Variants in IRAK2 observed in about 807,000 individuals in gnomAD.
IRAK2 encodes the protein interleukin-1 receptor-associated kinase-like 2.
A neutral mutation model predicts 72.0 loss-of-function variants in IRAK2; 57 were observed. That is an observed-to-expected ratio of 0.79 (90% CI 0.64 to 0.99). The LOEUF (loss-of-function observed/expected upper bound fraction) is 0.99. Ranked by LOEUF, IRAK2 falls within the 50% of genes least tolerant of loss-of-function variation. The pLI, the probability that IRAK2 is intolerant of heterozygous loss-of-function variation, is 0.00. For synonymous variants in IRAK2, 293 were observed against 312.7 expected, an observed-to-expected ratio of 0.94 and a Z score of 0.67; for missense variants, 790 against 794.4, an observed-to-expected ratio of 0.99 and a Z score of 0.07.
In IRAK2 at chr3:10,200,357, C is replaced by T; in HGVS notation, c.278-12C>T. 6.4e-7 allele frequency: 1 copy of T among 1,573,412 alleles called. No homozygotes were observed. Among genetic ancestry groups the T allele is most frequent in the Non-Finnish European group, 8.7e-7 (1 of 1,155,150 alleles). ...TGGAATAGTAATAACTTTCTTTCCACCTTGTTTTCAGGGAAACCGGCTCCT... is the reference window on the plus strand; with the variant it reads ...TGGAATAGTAATAACTTTCTTTCCATCTTGTTTTCAGGGAAACCGGCTCCT... On this transcript the variant is annotated splice_polypyrimidine_tract_variant and intron_variant, in intron 2 of 12. Transcript: ENST00000256458.
chr3:10,240,929 C>T (rs1307012285), intron 12 of IRAK2, among the ~76,000 whole-genome samples: 1 of 151,764 alleles, frequency 6.6e-6, no homozygotes, highest in Admixed American at 6.6e-5. Flanking sequence ...CAGGCTCTGA[C>T]CACTCCTGTT....
chr3:10,222,970 A>T, intron 9 of IRAK2, 139 bp downstream of exon 9: 1 of 734,484 alleles, frequency 1.4e-6, no homozygotes, highest in Admixed American at 2.7e-5. Context: ...ACTGTGGCCC[A>T]CAGGCCACTT....
chr3:10,239,225 T>C (rs1426476564), intron 12 of IRAK2, among the ~76,000 whole-genome samples, 186 bp downstream of exon 12: 1 of 152,238 alleles, frequency 6.6e-6, no homozygotes, highest in Non-Finnish European at 1.5e-5. Context: ...TGCCCTGGAC[T>C]GTGTCCGGTT....
In IRAK2 at chr3:10,185,468, G is replaced by A. The variant is rs2125145766; in HGVS notation, c.277+7448G>A. Among the ~76,000 whole-genome samples the A allele has an allele frequency of 1.4e-5, 2 of 142,722 alleles. 1 individual carries two copies. Among genetic ancestry groups the A allele is most frequent in the African/African-American group, 5.4e-5 (2 of 37,170 alleles). The allele number at this position is 142,722 out of a possible 152,430, so 93.6% of individuals were successfully genotyped here. On this transcript the variant is annotated intron_variant, in intron 2 of 12. Transcript: ENST00000256458. ...GCTACTCAGGAAGGCTGAGGCAGGC[G>A]AATCGCTTGAACCTGGGAAGCAGAG... is the stretch of plus-strand genomic sequence containing the variant.
At chr3:10,185,558 CAAA>C (rs770606601) in intron 2 of IRAK2, among the ~76,000 whole-genome samples, 2 of 70,114 alleles carry the variant, frequency 2.9e-5, no homozygotes, top group Admixed American at 1.8e-4. Context: ...AACTCCGTCT[CAAA>C]AAAAAAAAAA....
At chr3:10,209,069 C>T (rs1467401510) in intron 3 of IRAK2, among the ~76,000 whole-genome samples, 1 of 152,108 alleles carries the variant, frequency 6.6e-6, no homozygotes, top group East Asian at 1.9e-4. Flanking sequence ...GCCACTTCCT[C>T]TGTGAACCCT....
intron 11 of IRAK2, among the ~76,000 whole-genome samples, chr3:10,238,379 G>A (rs756906088): frequency 3.9e-5 from 6 of 152,068 alleles, no homozygotes; most frequent in East Asian, 1.9e-4. Context: ...GTAGTGGGGC[G>A]TCTGGTTCTA....
chr3:10,231,092 T>C (rs1422227172), intron 10 of IRAK2, among the ~76,000 whole-genome samples: 1 of 152,166 alleles, frequency 6.6e-6, no homozygotes, highest in Non-Finnish European at 1.5e-5. Flanking sequence ...TGGGGTCTTG[T>C]TACGTTGCCC....
chr3:10,230,686 A>G (rs886711952), intron 10 of IRAK2, among the ~76,000 whole-genome samples: 6 of 152,144 alleles, frequency 3.9e-5, no homozygotes, highest in Non-Finnish European at 8.8e-5. Flanking sequence ...CCCCTGCTTT[A>G]GCCTCCCAAG....
intron 1 of IRAK2, among the ~76,000 whole-genome samples, chr3:10,176,355 C>A (rs1209439677): frequency 6.6e-6 from 1 of 152,040 alleles, no homozygotes; most frequent in African/African-American, 2.4e-5. Context: ...GGCTGGAGTG[C>A]AGTGACATCA....
chr3:10,177,265 C>A lies in IRAK2; in HGVS notation c.95-573C>A, dbSNP rs371211212. Among the ~76,000 whole-genome samples the A allele has an allele frequency of 9.3e-4, 142 of 152,266 alleles. 1 individual carries two copies. Among genetic ancestry groups the A allele is most frequent in the African/African-American group, 3.3e-3 (139 of 41,546 alleles). On this transcript the variant is annotated intron_variant, in intron 1 of 12. Transcript: ENST00000256458. Reference sequence around the variant, plus strand: ...ACTTGTTGAGTTCCCCTGACCAGGACTGGGACTTAGCTGAGAGGAATGAGA... The same window carrying A: ...ACTTGTTGAGTTCCCCTGACCAGGAATGGGACTTAGCTGAGAGGAATGAGA...
chr3:10,197,539 C>G (rs115262286), intron 2 of IRAK2, among the ~76,000 whole-genome samples: 1 of 152,044 alleles, frequency 6.6e-6, no homozygotes, highest in Non-Finnish European at 1.5e-5. Context: ...AGCAGTGTCT[C>G]CATTAGTCTT....
intron 2 of IRAK2, among the ~76,000 whole-genome samples, chr3:10,181,942 A>G (rs1161367603): frequency 1.3e-5 from 2 of 150,444 alleles, no homozygotes; most frequent in East Asian, 3.9e-4. Context: ...CTGAGTAAGC[A>G]TCATTTTCTT....
At chr3:10,219,320 TG>T (rs1697651976) in intron 7 of IRAK2, among the ~76,000 whole-genome samples, 1 of 119,740 alleles carries the variant, frequency 8.4e-6, no homozygotes, top group Non-Finnish European at 1.8e-5. Context: ...TTTTTGTTTT[TG>T]TTTTTGTTTT....
At chr3:10,175,532 T>C (rs945659271) in intron 1 of IRAK2, among the ~76,000 whole-genome samples, 17 of 152,098 alleles carry the variant, frequency 1.1e-4, no homozygotes, top group African/African-American at 3.6e-4. Context: ...GGTGGGAAGA[T>C]TGCTTGAGGC....
chr3:10,228,376 G>A (rs890046891), intron 10 of IRAK2, among the ~76,000 whole-genome samples: 1 of 152,018 alleles, frequency 6.6e-6, no homozygotes, highest in East Asian at 1.9e-4. Flanking sequence ...ACCCCTTTTG[G>A]GCAGTCAATC....
intron 1 of IRAK2, among the ~76,000 whole-genome samples, chr3:10,175,683 A>G (rs1004173615): frequency 1.3e-5 from 2 of 151,926 alleles, no homozygotes; most frequent in African/African-American, 4.8e-5. Flanking sequence ...AGGTCAGGAG[A>G]TTGAGACCAT....
rs969017213 is a variant in IRAK2, at chr3:10,181,817, A to C, written c.277+3797A>C. On this transcript the variant is annotated intron_variant, in intron 2 of 12. Coordinates refer to ENST00000256458, the MANE Select transcript of IRAK2 (RefSeq NM_001570.4). ...AGACTGGAATCACTCTTGTTATTCA[A>C]GGATAGTTATCTCAAAACAGTTATG... Among the ~76,000 whole-genome samples the C allele has an allele frequency of 2.0e-5, 3 of 152,222 alleles. No homozygotes were observed. The South Asian group carries it at 6.2e-4, about 32-fold the overall frequency.
At chr3:10,208,768 A>G (rs921491682) in intron 3 of IRAK2, among the ~76,000 whole-genome samples, 2 of 151,908 alleles carry the variant, frequency 1.3e-5, no homozygotes, top group Admixed American at 1.3e-4. Flanking sequence ...ATCTCAAAAA[A>G]AAAAAAGAAA....
Sources: gnomAD v4.1 joint callset for allele counts (sites outside exome capture counted in the v4.1 genomes callset) on GRCh38, gnomAD v4.1.1 for gene constraint, MANE v1.5 for transcripts, NCBI Gene and HGNC (gene_info 2026-07-23, HGNC 2026-07-21) for gene names.